The following JARID2 variants were observed in gnomAD, a reference collection of about 807,000 sequenced individuals.
JARID2 encodes protein Jumonji.
A neutral mutation model predicts 125.6 loss-of-function variants in JARID2; 21 were observed. The ratio of observed to expected loss-of-function variants is 0.17; its 90% CI spans 0.12 to 0.24. JARID2 has a LOEUF of 0.24. Ranked by LOEUF, JARID2 falls within the 10% of genes least tolerant of loss-of-function variation. JARID2 has a pLI of 1.00. For synonymous variants in JARID2, 736 were observed against 661.6 expected (o/e 1.11, Z -1.73); for missense variants, 1,303 against 1,639.6 (o/e 0.79, Z 3.55).
chr6:15,507,435 G>A lies in JARID2; in HGVS notation c.2731+19G>A, dbSNP rs748961725. On this transcript the variant is annotated intron_variant, in intron 11 of 17. Transcript: ENST00000341776. Reference sequence around the variant, plus strand: ...GTGCCTGGTAAGCCTGACTGTGGCCGCCTGCCTGTGGCAGCTGTGTCCATG... The same window carrying A: ...GTGCCTGGTAAGCCTGACTGTGGCCACCTGCCTGTGGCAGCTGTGTCCATG... 7.5e-6 allele frequency: 12 copies of A among 1,608,194 alleles called. No individual in the cohort carries two copies. The highest frequency in any genetic ancestry group is 4.5e-5 in the East Asian group (2 of 44,856).
At chr6:15,415,647 A>ACCCCC (rs538253633) in intron 3 of JARID2, among the ~76,000 whole-genome samples, 5 of 89,880 alleles carry the variant, frequency 5.6e-5, no homozygotes, top group African/African-American at 2.5e-4. Context: ...CGGGGGGCTG[A>ACCCCC]CCCCCCCCAC....
chr6:15,406,695 T>G (rs1765664774), intron 2 of JARID2, among the ~76,000 whole-genome samples: 1 of 152,234 alleles, frequency 6.6e-6, no homozygotes, highest in Non-Finnish European at 1.5e-5. Context: ...TGCATTTTGC[T>G]TACATAAAAT....
chr6:15,334,693 T>C (rs1020138922), intron 1 of JARID2, among the ~76,000 whole-genome samples: 3 of 152,200 alleles, frequency 2.0e-5, no homozygotes, highest in African/African-American at 7.2e-5. Context: ...TGTTGTTTGT[T>C]TCTTCAATAC....
intron 1 of JARID2, among the ~76,000 whole-genome samples, chr6:15,370,866 C>A (rs780594417): frequency 3.3e-5 from 5 of 152,128 alleles, no homozygotes; most frequent in Non-Finnish European, 7.3e-5. Context: ...TTGAGAAAGG[C>A]AGCTTAATTG....
intron 3 of JARID2, among the ~76,000 whole-genome samples, chr6:15,418,974 TATACGA>T (rs1295955593): frequency 6.6e-6 from 1 of 152,220 alleles, no homozygotes. Flanking sequence ...AGCCCAAATG[TATACGA>T]ATCTTCTTGA....
intron 1 of JARID2, among the ~76,000 whole-genome samples, chr6:15,356,553 T>A (rs1763606440): frequency 6.8e-6 from 1 of 146,422 alleles, no homozygotes; most frequent in Non-Finnish European, 1.5e-5. Context: ...AGGGAGAGCA[T>A]TTTTTTTTTA....
At chr6:15,485,226 T>C (rs939998422) in intron 5 of JARID2, among the ~76,000 whole-genome samples, 3 of 152,156 alleles carry the variant, frequency 2.0e-5, no homozygotes, top group Non-Finnish European at 4.4e-5. Flanking sequence ...ATCACTGGTG[T>C]TGGAAGGAAC....
intron 6 of JARID2, among the ~76,000 whole-genome samples, 182 bp from the exon 7 acceptor site, chr6:15,495,950 A>G (rs1770396224): frequency 6.6e-6 from 1 of 152,202 alleles, no homozygotes; most frequent in Admixed American, 6.5e-5. Flanking sequence ...TCGCTGCTTA[A>G]TTCTTGGATG....
intron 5 of JARID2, among the ~76,000 whole-genome samples, chr6:15,477,247 C>T (rs1162160525): frequency 6.6e-6 from 1 of 151,878 alleles, no homozygotes; most frequent in African/African-American, 2.4e-5. Flanking sequence ...CTGTGGTTGC[C>T]TTTGAGGGGC....
intron 1 of JARID2, among the ~76,000 whole-genome samples, chr6:15,264,752 G>A (rs1760019864): frequency 6.6e-6 from 1 of 152,140 alleles, no homozygotes; most frequent in Admixed American, 6.5e-5. Flanking sequence ...TTTATGTGGT[G>A]TACCTATAAC....
chr6:15,292,078 G>A (rs540664492), intron 1 of JARID2, among the ~76,000 whole-genome samples: 2 of 151,996 alleles, frequency 1.3e-5, no homozygotes, highest in Admixed American at 6.5e-5. Flanking sequence ...ATGCAGTGGC[G>A]CCATCTCGGC....
intron 2 of JARID2, among the ~76,000 whole-genome samples, chr6:15,405,567 AAT>A (rs1765615671): frequency 6.6e-6 from 1 of 152,252 alleles, no homozygotes; most frequent in African/African-American, 2.4e-5. Context: ...ACTGAATATT[AAT>A]AGAGGAGAAC....
At chr6:15,518,834 C>T (rs1295106330) in intron 17 of JARID2, among the ~76,000 whole-genome samples, 1 of 152,206 alleles carries the variant, frequency 6.6e-6, no homozygotes, top group Non-Finnish European at 1.5e-5. Context: ...ATTGCAAAAT[C>T]TTCTCAACCT....
intron 1 of JARID2, among the ~76,000 whole-genome samples, chr6:15,252,543 T>C (rs1045823644): frequency 2.6e-5 from 4 of 152,196 alleles, no homozygotes; most frequent in African/African-American, 9.7e-5. Context: ...ATTGTGCCAT[T>C]TACTGAGTGG....
intron 1 of JARID2, among the ~76,000 whole-genome samples, chr6:15,293,899 AG>A (rs1461810262): frequency 3.3e-5 from 5 of 152,224 alleles, no homozygotes; most frequent in Non-Finnish European, 7.3e-5. Flanking sequence ...GGCTGCCAGG[AG>A]GGACCTGCTG....
chr6:15,445,278 T>C (rs1443628973), intron 3 of JARID2, among the ~76,000 whole-genome samples: 1 of 152,208 alleles, frequency 6.6e-6, no homozygotes, highest in Non-Finnish European at 1.5e-5. Context: ...GGCATAGGAC[T>C]GTTAGTTCAT....
intron 6 of JARID2, among the ~76,000 whole-genome samples, chr6:15,492,548 C>T (rs2127726599): frequency 6.6e-6 from 1 of 152,330 alleles, no homozygotes; most frequent in Non-Finnish European, 1.5e-5. Flanking sequence ...ATAGACAAGT[C>T]CAGGCCAGGA....
intron 1 of JARID2, among the ~76,000 whole-genome samples, chr6:15,325,833 T>C (rs1460495881): frequency 1.3e-5 from 2 of 152,152 alleles, no homozygotes; most frequent in Non-Finnish European, 2.9e-5. Flanking sequence ...CTACATGATA[T>C]GTGATATTGC....
intron 1 of JARID2, among the ~76,000 whole-genome samples, chr6:15,338,793 A>T (rs1183863756): frequency 5.9e-5 from 9 of 152,192 alleles, no homozygotes; most frequent in Admixed American, 5.9e-4. Context: ...TGCCCTTTGA[A>T]TTTGGGCCCA....
Sources: allele counts gnomAD v4.1 joint callset (sites outside exome capture counted in the v4.1 genomes callset), GRCh38; gene constraint gnomAD v4.1.1; transcripts MANE v1.5; gene names NCBI Gene and HGNC (gene_info 2026-07-23, HGNC 2026-07-21).